The following INTS9 variants were observed in gnomAD, a reference collection of about 807,000 sequenced individuals.
The protein encoded by INTS9 is protein related to CPSF subunits of 74 kDa.
INTS9 carries 55 observed loss-of-function variants against 79.7 expected under a neutral mutation model. The observed-to-expected ratio is 0.69, with a 90% CI of 0.56 to 0.86. The LOEUF is 0.86. Ranked by LOEUF, INTS9 falls within the 40% of genes least tolerant of loss-of-function variation. INTS9 has a pLI of 0.00. For synonymous variants in INTS9, 319 were observed against 325.2 expected (o/e 0.98, Z 0.20); for missense variants, 721 against 831.5 (o/e 0.87, Z 1.64).
At chr8:28,851,258 G>T (rs780231516) in intron 2 of INTS9, among the ~76,000 whole-genome samples, 2 of 151,930 alleles carry the variant, frequency 1.3e-5, no homozygotes, top group African/African-American at 4.8e-5. Flanking sequence ...AAAATAATTT[G>T]ATCAGATGCT....
intron 1 of INTS9, among the ~76,000 whole-genome samples, chr8:28,882,532 T>TAAAAAAAAAAAAAAAGAAAAAAAAAAAAA (rs1809939999): frequency 1.6e-5 from 1 of 63,300 alleles, no homozygotes; most frequent in African/African-American, 6.9e-5. Flanking sequence ...TATTAACAGC[T>TAAAAAAAAAAAAAAAGAAAAAAAAAAAAA]AAAAAAAAAA....
chr8:28,853,042 T>C (rs1284686393), intron 2 of INTS9, among the ~76,000 whole-genome samples: 1 of 152,224 alleles, frequency 6.6e-6, no homozygotes, highest in Non-Finnish European at 1.5e-5. Flanking sequence ...GGGAAGGGAC[T>C]TATTTTTTTG....
At chr8:28,839,346 A>G (rs528450296) in intron 4 of INTS9, among the ~76,000 whole-genome samples, 1,685 of 151,980 alleles carry the variant, frequency 0.011, 36 homozygotes, top group African/African-American at 0.039. Context: ...AATCAATATC[A>G]TGAAAATGGC....
intron 8 of INTS9, among the ~76,000 whole-genome samples, chr8:28,800,652 C>T (rs1024451949): frequency 6.6e-6 from 1 of 152,196 alleles, no homozygotes; most frequent in African/African-American, 2.4e-5. Context: ...ATGGAAGCAG[C>T]AGATCCACTT....
In INTS9 at chr8:28,787,891, T is replaced by C. The variant is rs756973998; in HGVS notation, c.1038-2A>G. The C allele has an allele frequency of 6.3e-7, 1 of 1,591,624 alleles. No individual in the cohort carries two copies. The highest frequency in any genetic ancestry group is 8.6e-7 in the Non-Finnish European group (1 of 1,162,868). ...TTACTCTGTTTGTTGTGACAAAGCC[T>C]ATTAAAGAGGAAAAACACATCAGCA... On this transcript the variant is annotated splice_acceptor_variant, in intron 10 of 16. Transcript: ENST00000521022. LOFTEE classifies it high-confidence loss of function.
At chr8:28,822,014 G>A (rs778274056) in intron 6 of INTS9, among the ~76,000 whole-genome samples, 34 of 152,102 alleles carry the variant, frequency 2.2e-4, no homozygotes, top group Admixed American at 5.2e-4. Context: ...CGATCTGCCC[G>A]CCGTGGCCTC....
intron 1 of INTS9, among the ~76,000 whole-genome samples, chr8:28,877,639 A>G (rs1255776648): frequency 6.6e-6 from 1 of 152,220 alleles, no homozygotes; most frequent in East Asian, 1.9e-4. Context: ...GACTGGAAAC[A>G]ATGTTAATTG....
In INTS9 at chr8:28,845,651, G is replaced by A. The variant is rs2131232085; in HGVS notation, c.261+1096C>T. Among the ~76,000 whole-genome samples, 2 of 152,288 alleles carry A rather than the reference G, an allele frequency of 1.3e-5. 1 individual carries two copies. Among genetic ancestry groups the A allele is most frequent in the South Asian group, 4.1e-4 (2 of 4,824 alleles). On this transcript the variant is annotated intron_variant, in intron 4 of 16. Transcript: ENST00000521022. ...AAACAAATGTAGCACCTAGGATTAG[G>A]AATCTTCAAACAGATGGGGAATCAC...
intron 6 of INTS9, among the ~76,000 whole-genome samples, chr8:28,826,692 T>G (rs1455640410): frequency 6.6e-6 from 1 of 152,208 alleles, no homozygotes; most frequent in Non-Finnish European, 1.5e-5. Context: ...TCTTGCTCGC[T>G]TTCTTGCCTG....
chr8:28,781,096 AAAG>A (rs1803236641), intron 11 of INTS9, 102 bp from the exon 12 acceptor site: 3 of 868,128 alleles, frequency 3.5e-6, no homozygotes, highest in South Asian at 3.5e-5. Flanking sequence ...AAATACCAAC[AAAG>A]AAGACAAGCC....
intron 1 of INTS9, among the ~76,000 whole-genome samples, chr8:28,881,215 C>G (rs62502791): frequency 5.6e-5 from 7 of 125,712 alleles, no homozygotes; most frequent in African/African-American, 1.5e-4. Context: ...GTGAGGAGCC[C>G]CTCTGCCCGG....
intron 6 of INTS9, among the ~76,000 whole-genome samples, chr8:28,814,601 A>G (rs1805364577): frequency 6.6e-6 from 1 of 152,144 alleles, no homozygotes; most frequent in South Asian, 2.1e-4. Context: ...CATTCCTTCC[A>G]TATAGCTCAG....
At chr8:28,837,591 G>A in intron 5 of INTS9, 46 bp downstream of exon 5, 3 of 1,590,500 alleles carry the variant, frequency 1.9e-6, no homozygotes, top group East Asian at 4.5e-5. Flanking sequence ...ACTGAGGGAG[G>A]AGCTCCGCAG....
intron 1 of INTS9, among the ~76,000 whole-genome samples, chr8:28,870,336 A>C (rs1159678517): frequency 2.2e-5 from 3 of 137,940 alleles, no homozygotes; most frequent in Non-Finnish European, 4.6e-5. Context: ...TTTTTTTTAG[A>C]ATCAGAAAAA....
At chr8:28,791,864 C>T (rs1197482137) in intron 10 of INTS9, among the ~76,000 whole-genome samples, 2 of 152,182 alleles carry the variant, frequency 1.3e-5, no homozygotes, top group South Asian at 2.1e-4. Context: ...GCTTAAAAGA[C>T]AGACACACAT....
intron 1 of INTS9, among the ~76,000 whole-genome samples, chr8:28,887,671 T>C (rs569697577): frequency 1.3e-5 from 2 of 152,338 alleles, no homozygotes; most frequent in African/African-American, 4.8e-5. Flanking sequence ...GACACACCCA[T>C]CTAACTTACT....
At chr8:28,834,676 GTTT>G (rs35112754) in intron 6 of INTS9, among the ~76,000 whole-genome samples, 1 of 134,166 alleles carries the variant, frequency 7.5e-6, no homozygotes, top group Non-Finnish European at 1.6e-5. Context: ...GCAAACATCT[GTTT>G]TTTTTTTTTT....
intron 1 of INTS9, 150 bp from the exon 2 acceptor site, chr8:28,859,713 T>C: frequency 1.2e-6 from 1 of 819,984 alleles, no homozygotes; most frequent in Non-Finnish European, 2.0e-6. Context: ...CTTTTACTGC[T>C]TGGGGACTAC....
chr8:28,784,966 G>A (rs530022306), intron 11 of INTS9, among the ~76,000 whole-genome samples: 1 of 152,152 alleles, frequency 6.6e-6, no homozygotes, highest in African/African-American at 2.4e-5. Flanking sequence ...TCATTCTCTC[G>A]GCAGTTCCTC....
Sources: gnomAD v4.1 joint callset for allele counts (sites outside exome capture counted in the v4.1 genomes callset) on GRCh38, gnomAD v4.1.1 for gene constraint, MANE v1.5 for transcripts, NCBI Gene and HGNC (gene_info 2026-07-23, HGNC 2026-07-21) for gene names.